Variants in ART3 observed in about 807,000 individuals in gnomAD.
ART3 encodes the protein ecto-ADP-ribosyltransferase 3.
In ART3, 49 loss-of-function variants were observed where a neutral mutation model predicts 48.5. The ratio of observed to expected loss-of-function variants is 1.01; its 90% CI spans 0.80 to 1.28. The LOEUF is 1.28. Among genes scored for constraint, ART3 ranks in the 50% most tolerant of loss-of-function variants. The probability of loss-of-function intolerance (pLI) is 0.00; values close to 1 mark genes in which losing one functional copy is unlikely to be tolerated. For synonymous variants in ART3, 145 were observed against 157.2 expected (o/e 0.92, Z 0.58); for missense variants, 438 against 454.3 (o/e 0.96, Z 0.33).
chr4:76,070,957 GA>G (rs1720251160), upstream of ART3, among the ~76,000 whole-genome samples: 1 of 151,682 alleles, frequency 6.6e-6, no homozygotes, highest in African/African-American at 2.4e-5. Context: ...GCCTACTCAA[GA>G]AGATTGACCC....
intron 1 of ART3, among the ~76,000 whole-genome samples, chr4:76,012,991 T>C (rs1731937632): frequency 6.6e-6 from 1 of 152,218 alleles, no homozygotes; most frequent in Non-Finnish European, 1.5e-5. Flanking sequence ...GGTTCTAGAC[T>C]CTGAGGTCAC....
At chr4:76,084,690 C>G (rs1723179101) in intron 3 of ART3, among the ~76,000 whole-genome samples, 2 of 152,180 alleles carry the variant, frequency 1.3e-5, no homozygotes, top group Admixed American at 1.3e-4. Flanking sequence ...GGTGATCTTC[C>G]AGCACTCTCT....
intron 3 of ART3, among the ~76,000 whole-genome samples, chr4:76,093,571 G>A (rs1010609087): frequency 1.3e-5 from 2 of 152,098 alleles, no homozygotes; most frequent in African/African-American, 4.8e-5. Flanking sequence ...CAAGATAATT[G>A]CCCCACCTGA....
chr4:76,066,974 G>A (rs1314431493), intron 1 of ART3, among the ~76,000 whole-genome samples: 3 of 152,160 alleles, frequency 2.0e-5, no homozygotes, highest in Non-Finnish European at 4.4e-5. Flanking sequence ...TGAGTCTGCT[G>A]CCATAGTTTG....
At position 76,102,211 on chromosome 4, in the gene ART3, A is replaced by G. The variant is rs1166130706; in HGVS notation, c.937+1192A>G. Among the ~76,000 whole-genome samples the G allele has an allele frequency of 3.3e-5, 5 of 152,230 alleles. No individual in the cohort carries two copies. In the East Asian group the frequency reaches 9.6e-4, roughly 29 times the overall value. On this transcript the variant is annotated intron_variant, in intron 8 of 11. Transcript: ENST00000355810. Reference sequence around the variant, plus strand: ...GTAGAAAAATAACTGATTAGTTAACATCAGTTTATTTCAGGCTACCTTTTT... The same window carrying G: ...GTAGAAAAATAACTGATTAGTTAACGTCAGTTTATTTCAGGCTACCTTTTT...
At chr4:76,088,255 T>G (rs1211089240) in intron 3 of ART3, among the ~76,000 whole-genome samples, 2 of 152,086 alleles carry the variant, frequency 1.3e-5, no homozygotes, top group Non-Finnish European at 2.9e-5. Flanking sequence ...TCTCTTTTTT[T>G]TTTTTTACTG....
chr4:76,037,930 C>G (rs1378672571), intron 1 of ART3, among the ~76,000 whole-genome samples: 1 of 152,028 alleles, frequency 6.6e-6, no homozygotes, highest in African/African-American at 2.4e-5. Flanking sequence ...TTATCATTTG[C>G]ATTTTATCTT....
chr4:76,035,419 G>A (rs1001939834), intron 1 of ART3: 16 of 1,464,300 alleles, frequency 1.1e-5, no homozygotes, highest in Non-Finnish European at 1.4e-5. Flanking sequence ...GGTGGTGAAC[G>A]TGAGCAGAAT....
chr4:76,062,630 G>A (rs1719341354), intron 1 of ART3, among the ~76,000 whole-genome samples: 3 of 136,348 alleles, frequency 2.2e-5, no homozygotes, highest in Non-Finnish European at 4.5e-5. Flanking sequence ...GTGGGATCTC[G>A]GCTCACGGCA....
At chr4:76,038,433 G>A (rs1281266436) in intron 1 of ART3, among the ~76,000 whole-genome samples, 1 of 152,104 alleles carries the variant, frequency 6.6e-6, no homozygotes, top group African/African-American at 2.4e-5. Context: ...AGGTGAGGGG[G>A]CTACTGTATT....
intron 1 of ART3, among the ~76,000 whole-genome samples, chr4:76,050,008 G>C (rs1221714505): frequency 6.6e-6 from 1 of 151,694 alleles, no homozygotes; most frequent in Non-Finnish European, 1.5e-5. Flanking sequence ...AGCTCTTAAG[G>C]CGGCGCGTCT....
At chr4:76,083,671 G>C (rs1048727500) in intron 3 of ART3, among the ~76,000 whole-genome samples, 2 of 152,154 alleles carry the variant, frequency 1.3e-5, no homozygotes, top group African/African-American at 2.4e-5. Flanking sequence ...AAAGTAAAGG[G>C]GATGACAGCC....
At chr4:76,055,041 C>G (rs1377503735) in intron 1 of ART3, among the ~76,000 whole-genome samples, 3 of 152,200 alleles carry the variant, frequency 2.0e-5, no homozygotes, top group Non-Finnish European at 4.4e-5. Context: ...TCCCAAAATG[C>G]TGAGATTACA....
chr4:76,071,425 CA>C (rs1362392329), upstream of ART3, among the ~76,000 whole-genome samples: 11 of 152,196 alleles, frequency 7.2e-5, no homozygotes, highest in Middle Eastern at 6.8e-3. Flanking sequence ...GTCCCACCAT[CA>C]AGCTATACTG....
intron 1 of ART3, chr4:76,022,452 A>G: frequency 6.2e-7 from 1 of 1,612,268 alleles, no homozygotes; most frequent in Non-Finnish European, 8.5e-7. Flanking sequence ...TTTTCATTGT[A>G]GCACTGTAGA....
chr4:76,086,176 C>G (rs775620127), intron 3 of ART3, among the ~76,000 whole-genome samples: 3 of 152,026 alleles, frequency 2.0e-5, no homozygotes, highest in Non-Finnish European at 2.9e-5. Context: ...TATCTGCACT[C>G]TCATGTTCAC....
At chr4:76,056,944 TAC>T (rs1410853785) in intron 1 of ART3, among the ~76,000 whole-genome samples, 3 of 152,042 alleles carry the variant, frequency 2.0e-5, no homozygotes, top group Non-Finnish European at 4.4e-5. Context: ...TATCATGGCT[TAC>T]ACATATTCAT....
chr4:76,086,202 G>A (rs964326699), intron 3 of ART3, among the ~76,000 whole-genome samples: 6 of 151,892 alleles, frequency 4.0e-5, no homozygotes, highest in Non-Finnish European at 5.9e-5. Context: ...CATTATTCAC[G>A]GTAACCAAGA....
rs79942280 is a variant in ART3, at chr4:76,066,479, T to C, written c.-9-9402T>C. Among the ~76,000 whole-genome samples the C allele has an allele frequency of 6.4e-3, 977 of 152,156 alleles. 6 individuals are homozygous for C. Among genetic ancestry groups the C allele is most frequent in the African/African-American group, 0.021 (887 of 41,510 alleles). Reference sequence around the variant, plus strand: ...TCTCTGCTCGCTGGTCATCCTGAGGTCTGCTTTTCTCTGCAGGCAGGTCAT... The same window carrying C: ...TCTCTGCTCGCTGGTCATCCTGAGGCCTGCTTTTCTCTGCAGGCAGGTCAT... On this transcript the variant is annotated intron_variant, in intron 1 of 9. Transcript: ENST00000341029.
Sources: allele counts gnomAD v4.1 joint callset (sites outside exome capture counted in the v4.1 genomes callset), GRCh38; gene constraint gnomAD v4.1.1; transcripts MANE v1.5; gene names NCBI Gene and HGNC (gene_info 2026-07-23, HGNC 2026-07-21).